The following NBAS variants were observed in gnomAD, a reference collection of about 807,000 sequenced individuals.
The protein encoded by NBAS is NAG/BC035112 fusion.
Under a neutral mutation model 302.5 loss-of-function variants are expected in NBAS, and 219 were observed. The ratio of observed to expected loss-of-function variants is 0.72; its 90% CI spans 0.65 to 0.81. NBAS has a LOEUF of 0.81. NBAS is among the 30% of genes least tolerant of loss of function. The pLI is 0.00. For missense variants in NBAS, 2,932 were observed against 2,841.6 expected, an observed-to-expected ratio of 1.03 and a Z score of -0.72; for synonymous variants, 1,118 against 1,021.6, an observed-to-expected ratio of 1.09 and a Z score of -1.80.
rs777507385 is a variant in NBAS at position 15,287,160 on chromosome 2, C to A, written c.5051G>T (p.Ser1684Ile). The stretch of plus-strand genomic sequence containing the variant: ...ACGTTGTGCCAGAGAAATAGCAATG[C>A]TGTAGACGCTTTCCTCTAGAGTTCT... ...LAETLEESVYSIAISLAQRYS... is the reference protein window; with the variant it reads ...LAETLEESVYIIAISLAQRYS... The change falls in exon 42 of 52, where the codon AGC becomes ATC. Residue 1684 changes from serine to isoleucine, a missense_variant. Physicochemically the swap from Ser to Ile is moderately radical, Grantham distance 142. Transcript: ENST00000281513. The A allele has an allele frequency of 3.1e-6, 5 of 1,613,980 alleles. No homozygotes were observed. In the East Asian group the frequency reaches 8.9e-5, roughly 29 times the overall value.
intron 38 of NBAS, among the ~76,000 whole-genome samples, chr2:15,318,053 G>T (rs984322433): frequency 6.6e-6 from 1 of 152,198 alleles, no homozygotes; most frequent in African/African-American, 2.4e-5. Flanking sequence ...AGATCTCTTG[G>T]AAGAAACCCT....
At chr2:14,808,439 C>A in the NBAS span, among the ~76,000 whole-genome samples, 3 of 152,112 alleles carry the variant, frequency 2.0e-5, no homozygotes, top group Non-Finnish European at 4.4e-5. Flanking sequence ...ATCATTGAAT[C>A]CTGGGGGCGG....
At chr2:15,463,299 T>A (rs1305984667) in intron 19 of NBAS, among the ~76,000 whole-genome samples, 2 of 152,126 alleles carry the variant, frequency 1.3e-5, no homozygotes, top group Admixed American at 6.6e-5. Flanking sequence ...AGTTCCTTGA[T>A]TCCTCATGCA....
chr2:15,413,271 G>C (rs549690075), intron 25 of NBAS, among the ~76,000 whole-genome samples: 3 of 151,876 alleles, frequency 2.0e-5, no homozygotes, highest in East Asian at 3.9e-4. Context: ...TTATTCACTT[G>C]CCCTGCCAAA....
intron 30 of NBAS, among the ~76,000 whole-genome samples, chr2:15,375,885 C>T (rs1459751059): frequency 6.6e-6 from 1 of 150,878 alleles, no homozygotes; most frequent in East Asian, 2.0e-4. Flanking sequence ...TCTGTACTCA[C>T]ATGAAAAAAC....
At chr2:14,801,485 T>G in the NBAS span, among the ~76,000 whole-genome samples, 1 of 152,172 alleles carries the variant, frequency 6.6e-6, no homozygotes, top group Non-Finnish European at 1.5e-5. Context: ...TAGTTTTTAT[T>G]TCTAGAAATT....
chr2:15,206,899 G>A (rs796464012), intron 48 of NBAS, among the ~76,000 whole-genome samples: 8 of 152,330 alleles, frequency 5.3e-5, no homozygotes, highest in African/African-American at 1.9e-4. Context: ...CCCTCATGGA[G>A]AACCTCTACT....
intron 17 of NBAS, among the ~76,000 whole-genome samples, chr2:15,468,068 C>G (rs779680368): frequency 6.6e-6 from 1 of 152,160 alleles, no homozygotes; most frequent in Non-Finnish European, 1.5e-5. Flanking sequence ...GTTACATTCA[C>G]TCAATGTAAA....
chr2:15,223,331 AT>A (rs924127128), intron 47 of NBAS, among the ~76,000 whole-genome samples: 31 of 149,392 alleles, frequency 2.1e-4, no homozygotes, highest in South Asian at 1.3e-3. Flanking sequence ...GCATGTCAGT[AT>A]TTTTTTTTTA....
At chr2:15,088,048 G>C in the NBAS span, among the ~76,000 whole-genome samples, 1 of 152,202 alleles carries the variant, frequency 6.6e-6, no homozygotes, top group African/African-American at 2.4e-5. Context: ...GGAGATACCC[G>C]TAGGGTGAGC....
chr2:15,296,474 T>A (rs1240425248), intron 40 of NBAS, among the ~76,000 whole-genome samples: 4 of 151,734 alleles, frequency 2.6e-5, no homozygotes, highest in African/African-American at 9.7e-5. Context: ...TGCAGTGAGC[T>A]GAGATTGTGC....
chr2:14,785,109 G>C, the NBAS span, among the ~76,000 whole-genome samples: 1 of 152,100 alleles, frequency 6.6e-6, no homozygotes, highest in African/African-American at 2.4e-5. Flanking sequence ...CTCTTGATTT[G>C]GCTCTCTGTT....
At chr2:15,487,820 T>C (rs563210510) in intron 12 of NBAS, among the ~76,000 whole-genome samples, 2 of 152,326 alleles carry the variant, frequency 1.3e-5, no homozygotes, top group South Asian at 2.1e-4. Flanking sequence ...GGAGCACCTC[T>C]GCCACTGAGG....
At chr2:15,080,074 C>T in the NBAS span, among the ~76,000 whole-genome samples, 5 of 152,140 alleles carry the variant, frequency 3.3e-5, no homozygotes, top group African/African-American at 7.2e-5. Flanking sequence ...AAGCCCCACC[C>T]TCATCCCATG....
At chr2:14,881,436 T>A in the NBAS span, among the ~76,000 whole-genome samples, 5 of 152,070 alleles carry the variant, frequency 3.3e-5, no homozygotes, top group African/African-American at 9.7e-5. Flanking sequence ...GGGTGATGGG[T>A]TCACTAGAAG....
chr2:15,500,537 CACAA>C (rs1486066281), intron 11 of NBAS, among the ~76,000 whole-genome samples: 2 of 150,148 alleles, frequency 1.3e-5, no homozygotes, highest in African/African-American at 4.9e-5. Context: ...CACACACACA[CACAA>C]AATTAGAAAT....
chr2:15,401,670 T>C (rs1676158025), intron 26 of NBAS, among the ~76,000 whole-genome samples: 1 of 152,162 alleles, frequency 6.6e-6, no homozygotes, highest in South Asian at 2.1e-4. Context: ...TTGACTTGCA[T>C]ACAACTAAAT....
the NBAS span, among the ~76,000 whole-genome samples, chr2:15,049,546 G>A: frequency 1.3e-5 from 2 of 152,204 alleles, no homozygotes; most frequent in Admixed American, 1.3e-4. Flanking sequence ...CTGAGGGGCT[G>A]TTAAACAACT....
chr2:14,904,641 G>A, the NBAS span, among the ~76,000 whole-genome samples: 1 of 91,526 alleles, frequency 1.1e-5, no homozygotes, highest in Non-Finnish European at 2.7e-5. Context: ...GTCACAGTCA[G>A]CTGTGACTCA....
Sources: allele counts gnomAD v4.1 joint callset (sites outside exome capture counted in the v4.1 genomes callset), GRCh38; gene constraint gnomAD v4.1.1; transcripts MANE v1.5; gene names NCBI Gene and HGNC (gene_info 2026-07-23, HGNC 2026-07-21).